The following EXOC4 variants were observed in gnomAD, a reference collection of about 807,000 sequenced individuals.
EXOC4 encodes exocyst complex component 4.
A neutral mutation model predicts 107.2 loss-of-function variants in EXOC4; 71 were observed. The observed-to-expected ratio is 0.66, with a 90% confidence interval of 0.55 to 0.81. EXOC4 has a LOEUF of 0.81. EXOC4 is among the 30% of genes least tolerant of loss of function. The pLI, the probability that EXOC4 is intolerant of heterozygous loss-of-function variation, is 0.00. For synonymous variants in EXOC4, 456 were observed against 441.2 expected, an observed-to-expected ratio of 1.03 and a Z score of -0.42; for missense variants, 1,108 against 1,189.6, an observed-to-expected ratio of 0.93 and a Z score of 1.01.
At chr7:133,916,285 C>T (rs959567938) in intron 12 of EXOC4, among the ~76,000 whole-genome samples, 7 of 152,188 alleles carry the variant, frequency 4.6e-5, no homozygotes, top group South Asian at 2.1e-4. Context: ...CTCACTGGCC[C>T]GCTGCTCACC....
At chr7:133,719,859 A>T (rs544004266) in intron 10 of EXOC4, among the ~76,000 whole-genome samples, 1 of 152,294 alleles carries the variant, frequency 6.6e-6, no homozygotes, top group South Asian at 2.1e-4. Flanking sequence ...TCTGTTTTCT[A>T]ACCCCGTCTA....
chr7:133,616,263 G>C (rs532683515), intron 9 of EXOC4, among the ~76,000 whole-genome samples: 3 of 151,900 alleles, frequency 2.0e-5, no homozygotes, highest in Non-Finnish European at 4.4e-5. Flanking sequence ...TTGTAATTTT[G>C]TGTGTGCTCT....
intron 7 of EXOC4, among the ~76,000 whole-genome samples, chr7:133,382,332 A>G (rs1262803993): frequency 6.6e-6 from 1 of 152,186 alleles, no homozygotes; most frequent in Non-Finnish European, 1.5e-5. Flanking sequence ...TTCCAGTATG[A>G]CAGATATTTT....
intron 7 of EXOC4, among the ~76,000 whole-genome samples, chr7:133,430,116 T>C (rs115772419): frequency 0.012 from 1,879 of 152,310 alleles, 29 homozygotes; most frequent in African/African-American, 0.043. Context: ...GGAGATTTTA[T>C]TGAGTGATGG....
chr7:133,528,735 A>G, intron 9 of EXOC4, among the ~76,000 whole-genome samples: 1 of 152,194 alleles, frequency 6.6e-6, no homozygotes, highest in Non-Finnish European at 1.5e-5. Flanking sequence ...TTAAAAAAAA[A>G]GTACTCAGAG....
At chr7:134,010,890 T>G (rs1269209971) in intron 17 of EXOC4, among the ~76,000 whole-genome samples, 2 of 152,184 alleles carry the variant, frequency 1.3e-5, no homozygotes, top group Non-Finnish European at 2.9e-5. Context: ...CTACTCATAG[T>G]ATTGTTATCT....
chr7:133,569,160 T>G lies in EXOC4; in HGVS notation c.1418-60885T>G, dbSNP rs547099021. Among the ~76,000 whole-genome samples the G allele has an allele frequency of 3.9e-5, 6 of 152,128 alleles. No individual in the cohort carries two copies. The South Asian group carries it at 1.2e-3, about 32-fold the overall frequency. ...AAGAATAATTAATAAAGATTTTTTTTTAAAAGGCCAGATTAATAATTAAGC... is the reference window on the plus strand; with the variant it reads ...AAGAATAATTAATAAAGATTTTTTTGTAAAAGGCCAGATTAATAATTAAGC... On this transcript the variant is annotated intron_variant, in intron 9 of 17. Coordinates refer to ENST00000253861, the MANE Select transcript of EXOC4 (RefSeq NM_021807.4).
intron 10 of EXOC4, among the ~76,000 whole-genome samples, chr7:133,745,943 C>T (rs947350324): frequency 6.6e-6 from 1 of 151,994 alleles, no homozygotes; most frequent in Non-Finnish European, 1.5e-5. Flanking sequence ...TCTTACTTTT[C>T]TGTGTTTTTC....
At chr7:133,379,547 T>A (rs570160489) in intron 7 of EXOC4, among the ~76,000 whole-genome samples, 2 of 152,256 alleles carry the variant, frequency 1.3e-5, no homozygotes, top group South Asian at 4.1e-4. Flanking sequence ...TGTATTATAC[T>A]ACTATGACAT....
intron 9 of EXOC4, among the ~76,000 whole-genome samples, chr7:133,608,218 A>C (rs1447858762): frequency 6.6e-6 from 1 of 152,062 alleles, no homozygotes; most frequent in African/African-American, 2.4e-5. Context: ...ATGGAAATAC[A>C]TTTTCCCTTG....
intron 9 of EXOC4, among the ~76,000 whole-genome samples, chr7:133,558,710 CATAGAT>C (rs1332969509): frequency 3.9e-5 from 6 of 152,090 alleles, no homozygotes; most frequent in Admixed American, 2.6e-4. Context: ...AAGGATATGA[CATAGAT>C]ATAAACTGTT....
At chr7:133,533,732 A>G (rs369913093) in intron 9 of EXOC4, among the ~76,000 whole-genome samples, 4 of 152,078 alleles carry the variant, frequency 2.6e-5, no homozygotes, top group Admixed American at 6.6e-5. Context: ...TTTGTTTTAT[A>G]ATTTTGTTTT....
At position 133,589,476 on chromosome 7, in the gene EXOC4, G is replaced by A. The variant is rs141598362; in HGVS notation, c.1418-40569G>A. On this transcript the variant is annotated intron_variant, in intron 9 of 17. Coordinates refer to ENST00000253861, the MANE Select transcript of EXOC4 (RefSeq NM_021807.4). ...GATCACACTGGTAAAGCCATGTCCTGTCTCCTGCTACAGTTCTTCAGAGAA... is the reference window on the plus strand; with the variant it reads ...GATCACACTGGTAAAGCCATGTCCTATCTCCTGCTACAGTTCTTCAGAGAA... Among the ~76,000 whole-genome samples, 46 of 152,306 alleles carry A rather than the reference G, an allele frequency of 3.0e-4. 1 individual carries two copies. The highest frequency in any genetic ancestry group is 1.1e-3 in the African/African-American group (46 of 41,548).
intron 7 of EXOC4, among the ~76,000 whole-genome samples, chr7:133,448,927 A>C (rs867528473): frequency 6.6e-6 from 1 of 152,132 alleles, no homozygotes; most frequent in Non-Finnish European, 1.5e-5. Context: ...CAACATGGTG[A>C]AACCCCATCT....
rs568971264 is a variant in EXOC4, at chr7:133,765,721, A to C, written c.1515-51604A>C. On this transcript the variant is annotated intron_variant, in intron 10 of 17. Coordinates refer to ENST00000253861, the MANE Select transcript of EXOC4 (RefSeq NM_021807.4). ...TTGTATTATGATCTTTCCTATAAGG[A>C]AGCTAGCAGACTGACCCATCATTTT... Among the ~76,000 whole-genome samples, 6 of 152,046 alleles carry C rather than the reference A, an allele frequency of 3.9e-5. No individual in the cohort carries two copies. The South Asian group carries it at 1.2e-3, about 32-fold the overall frequency.
chr7:134,020,983 C>CAA lies in EXOC4; in HGVS notation c.2687+13161_2687+13162dup, dbSNP rs34211829. ...CCTGGGCGACAGAGCAAGACTGTCT[C>CAA]AAAAAAAAAAAAAATATGAAGGGTT... On this transcript the variant is annotated intron_variant, in intron 17 of 17. Coordinates refer to ENST00000253861, the MANE Select transcript of EXOC4 (RefSeq NM_021807.4). Among the ~76,000 whole-genome samples, 462 of 135,648 alleles carry CAA rather than the reference C, an allele frequency of 3.4e-3. 1 individual carries two copies. Among genetic ancestry groups the CAA allele is most frequent in the African/African-American group, 0.01 (375 of 36,250 alleles). 89.0% of individuals were successfully genotyped at this position (135,648 alleles called of 152,430 possible).
intron 14 of EXOC4, among the ~76,000 whole-genome samples, chr7:133,968,840 G>C (rs1801133371): frequency 6.6e-6 from 1 of 152,174 alleles, no homozygotes; most frequent in African/African-American, 2.4e-5. Context: ...TTCTCGAGGA[G>C]TATCTTTGTG....
intron 4 of EXOC4, 29 bp downstream of exon 4, chr7:133,306,090 T>C: frequency 1.3e-6 from 2 of 1,565,674 alleles, no homozygotes; most frequent in South Asian, 2.3e-5. Flanking sequence ...TATAAGTGTC[T>C]TGTGGCAGTG....
At chr7:133,520,636 A>G (rs1200585928) in intron 9 of EXOC4, among the ~76,000 whole-genome samples, 1 of 152,190 alleles carries the variant, frequency 6.6e-6, no homozygotes, top group Admixed American at 6.5e-5. Flanking sequence ...TGCAGCTACC[A>G]CACATTGTTA....
Sources: gnomAD v4.1 joint callset for allele counts (sites outside exome capture counted in the v4.1 genomes callset) on GRCh38, gnomAD v4.1.1 for gene constraint, MANE v1.5 for transcripts, NCBI Gene and HGNC (gene_info 2026-07-23, HGNC 2026-07-21) for gene names.